The following ROR1 variants were observed in gnomAD, a reference collection of about 807,000 sequenced individuals.
ROR1 encodes the protein inactive tyrosine-protein kinase transmembrane receptor ROR1.
Under a neutral mutation model 78.8 loss-of-function variants are expected in ROR1, and 19 were observed. The observed-to-expected ratio is 0.24, with a 90% CI of 0.17 to 0.35. ROR1 has a LOEUF of 0.35. Ranked by LOEUF, ROR1 falls within the 10% of genes least tolerant of loss-of-function variation. The probability of loss-of-function intolerance (pLI) is 1.00; values close to 1 mark genes in which losing one functional copy is unlikely to be tolerated. For synonymous variants in ROR1, 386 were observed against 433.6 expected, an observed-to-expected ratio of 0.89 and a Z score of 1.36; for missense variants, 917 against 1,177.8, an observed-to-expected ratio of 0.78 and a Z score of 3.24.
chr1:64,022,951 A>G (rs1260835), intron 2 of ROR1, among the ~76,000 whole-genome samples: 52,775 of 151,626 alleles, frequency 0.35, 9,304 homozygotes, highest in South Asian at 0.47. Context: ...ATTTATTTAT[A>G]TAAAAAGGAA....
chr1:64,162,084 A>G (rs1649959546), intron 8 of ROR1, among the ~76,000 whole-genome samples: 1 of 152,206 alleles, frequency 6.6e-6, no homozygotes, highest in African/African-American at 2.4e-5. Flanking sequence ...CAAACACTCC[A>G]CCAGAGCAAA....
chr1:63,788,748 C>A, intron 1 of ROR1: 2 of 483,782 alleles, frequency 4.1e-6, no homozygotes, highest in South Asian at 3.9e-5. Context: ...TGGACAAGGT[C>A]TTGATGATTT....
chr1:64,122,182 A>G (rs1369638339), intron 4 of ROR1, among the ~76,000 whole-genome samples: 2 of 152,216 alleles, frequency 1.3e-5, no homozygotes, highest in Non-Finnish European at 1.5e-5. Flanking sequence ...GAGCTAGCTT[A>G]TGAGTCAGGT....
rs190714319 is a variant in ROR1 at position 63,840,482 on chromosome 1, G to A, written c.91+65974G>A. 2.8e-3 allele frequency among the ~76,000 whole-genome samples: 426 copies of A among 151,786 alleles called. 7 individuals are homozygous for A. The highest frequency in any genetic ancestry group is 0.023 in the Admixed American group (358 of 15,246). Reference sequence around the variant, plus strand: ...TTTTTAGTAGAGACAGGGTTTCACCGTGTTGGCCAGGCTGGTCTCGAACTC... The same window carrying A: ...TTTTTAGTAGAGACAGGGTTTCACCATGTTGGCCAGGCTGGTCTCGAACTC... On this transcript the variant is annotated intron_variant, in intron 1 of 8. Transcript: ENST00000371079.
rs1644594973 is a variant in ROR1, at chr1:63,774,054, G to GCCGCCA, written c.-358_-353dup. The GCCGCCA allele has an allele frequency of 6.2e-6, 1 of 162,600 alleles. No individual in the cohort carries two copies. Among genetic ancestry groups the GCCGCCA allele is most frequent in the Non-Finnish European group, 1.3e-5 (1 of 75,028 alleles). 10.1% of individuals were successfully genotyped at this position (162,600 alleles called of 1,614,324 possible). A position where few individuals can be genotyped will look rare whatever the true frequency, so the allele number is the denominator to read the frequency against. On this transcript the variant is annotated 5_prime_UTR_variant, in exon 1 of 9. Coordinates refer to ENST00000371079, the MANE Select transcript of ROR1 (RefSeq NM_005012.4). The surrounding 1 kb of genome is among the most constrained non-coding windows in gnomAD (Gnocchi z 5.7). The stretch of plus-strand genomic sequence containing the variant: ...AGAGGGAGCGTGGAGAGCTGGAGCA[G>GCCGCCA]CCGCCACCGCCGCCGCCGAGGGAGC...
chr1:64,135,854 TC>T (rs1452780197), intron 4 of ROR1, among the ~76,000 whole-genome samples: 9 of 152,176 alleles, frequency 5.9e-5, no homozygotes, highest in Admixed American at 3.9e-4. Context: ...TGAAGATACT[TC>T]CCCCACTTTC....
intron 4 of ROR1, among the ~76,000 whole-genome samples, chr1:64,100,582 T>G (rs183940068): frequency 3.5e-4 from 53 of 152,338 alleles, no homozygotes; most frequent in African/African-American, 7.7e-4. Flanking sequence ...ATTTACTTTA[T>G]ATCAGCATCA....
intron 1 of ROR1, among the ~76,000 whole-genome samples, chr1:63,786,817 G>T (rs1644691494): frequency 6.6e-6 from 1 of 152,030 alleles, no homozygotes; most frequent in South Asian, 2.1e-4. Flanking sequence ...GAAAGGAGGG[G>T]CCCAAGAGGC....
At chr1:63,792,425 G>A (rs1052989187) in intron 1 of ROR1, among the ~76,000 whole-genome samples, 5 of 152,090 alleles carry the variant, frequency 3.3e-5, no homozygotes, top group South Asian at 2.1e-4. Context: ...CAGATAATAC[G>A]AAGAGGGAGC....
rs140615777 is a variant in ROR1, at chr1:63,998,660, C to T, written c.92-10645C>T. ...GACAAAAGGAACTGAAAGTTTAGAA[C>T]GTCTTAGACAAGTACATTAGGCTAA... is the stretch of plus-strand genomic sequence containing the variant. On this transcript the variant is annotated intron_variant, in intron 1 of 8. Coordinates refer to ENST00000371079, the MANE Select transcript of ROR1 (RefSeq NM_005012.4). Among the ~76,000 whole-genome samples the T allele has an allele frequency of 7.2e-5, 11 of 152,236 alleles. No homozygotes were observed. In the East Asian group the frequency reaches 1.4e-3, roughly 19 times the overall value.
chr1:64,164,040 T>A (rs370454444), intron 8 of ROR1, among the ~76,000 whole-genome samples: 1 of 42,080 alleles, frequency 2.4e-5, no homozygotes, highest in South Asian at 9.7e-4. Context: ...CTGAAATATA[T>A]TTTTTTTTCC....
At chr1:64,018,158 C>T (rs894476782) in intron 2 of ROR1, among the ~76,000 whole-genome samples, 6 of 152,112 alleles carry the variant, frequency 3.9e-5, no homozygotes, top group African/African-American at 9.7e-5. Context: ...CTTTCCTAGC[C>T]CTGGGCCCAC....
At chr1:64,101,491 T>A (rs934168632) in intron 4 of ROR1, among the ~76,000 whole-genome samples, 7 of 152,138 alleles carry the variant, frequency 4.6e-5, no homozygotes, top group African/African-American at 9.7e-5. Context: ...TACAAGCTCC[T>A]GACGAAGAAG....
chr1:63,985,789 T>C (rs1646245926), intron 1 of ROR1, among the ~76,000 whole-genome samples: 1 of 151,816 alleles, frequency 6.6e-6, no homozygotes, highest in Non-Finnish European at 1.5e-5. Flanking sequence ...GTATAATGTG[T>C]GTATAAAAAA....
intron 1 of ROR1, among the ~76,000 whole-genome samples, chr1:63,989,162 G>GTTTTTTTTTTTTTTTTT (rs1287163623): frequency 5.1e-5 from 6 of 117,402 alleles, no homozygotes; most frequent in South Asian, 2.8e-4. Flanking sequence ...GTCATTTTCT[G>GTTTTTTTTTTTTTTTTT]TTTTTGTTTT....
chr1:63,883,485 G>C (rs1645336825), intron 1 of ROR1, among the ~76,000 whole-genome samples: 1 of 151,912 alleles, frequency 6.6e-6, no homozygotes, highest in African/African-American at 2.4e-5. Context: ...TAAAATATTT[G>C]CCCGGGAAAG....
At position 64,178,988 on chromosome 1, in the gene ROR1, C is replaced by G. The variant is rs111264595; in HGVS notation, c.*133C>G. 2.9e-3 allele frequency: 1,240 copies of G among 434,144 alleles called. 12 individuals carry two copies. The highest frequency in any genetic ancestry group is 0.021 in the African/African-American group (928 of 44,588). 26.9% of individuals were successfully genotyped at this position (434,144 alleles called of 1,614,324 possible). On this transcript the variant is annotated 3_prime_UTR_variant, in exon 9 of 9. Transcript: ENST00000371079. This position sits in a 1 kb window ranked among gnomAD's most constrained non-coding sequence, Gnocchi z 4.3. ...GCAACAAGTACCTTCTGTGAAGTTT[C>G]ACTGTGTCTTACCAAGCAGGACAGA...
intron 2 of ROR1, among the ~76,000 whole-genome samples, chr1:64,013,224 G>T (rs914839996): frequency 6.6e-6 from 1 of 152,104 alleles, no homozygotes; most frequent in African/African-American, 2.4e-5. Context: ...AATATCATGC[G>T]TACTTCAACA....
intron 4 of ROR1, among the ~76,000 whole-genome samples, chr1:64,113,147 C>A (rs1026961486): frequency 6.6e-6 from 1 of 152,146 alleles, no homozygotes; most frequent in Non-Finnish European, 1.5e-5. Context: ...TCTTTTGTTT[C>A]TCTTTGTTCT....
Sources: gnomAD v4.1 joint callset for allele counts (sites outside exome capture counted in the v4.1 genomes callset) on GRCh38, gnomAD v4.1.1 for gene constraint, Gnocchi (gnomAD v3.1) non-coding constraint, MANE v1.5 for transcripts, NCBI Gene and HGNC (gene_info 2026-07-23, HGNC 2026-07-21) for gene names.